The following TRHDE variants were observed in gnomAD, a reference collection of about 807,000 sequenced individuals.
TRHDE encodes the protein thyrotropin-releasing hormone-degrading ectoenzyme.
In TRHDE, 72 loss-of-function variants were observed where a neutral mutation model predicts 125.7. The observed-to-expected ratio is 0.57, with a 90% CI of 0.47 to 0.70. The LOEUF (loss-of-function observed/expected upper bound fraction) is 0.70. TRHDE is among the 30% of genes least tolerant of loss of function. TRHDE has a pLI of 0.00. For synonymous variants in TRHDE, 509 were observed against 509.1 expected (o/e 1.00, Z 0.00); for missense variants, 1,110 against 1,327.1 (o/e 0.84, Z 2.54).
chr12:72,346,236 C>T (rs1438435859), intron 2 of TRHDE, among the ~76,000 whole-genome samples: 1 of 151,928 alleles, frequency 6.6e-6, no homozygotes, highest in South Asian at 2.1e-4. Flanking sequence ...ATTCTGAGTT[C>T]TTGGGGATCC....
intron 18 of TRHDE, among the ~76,000 whole-genome samples, chr12:72,662,142 T>C (rs1375600487): frequency 1.3e-5 from 2 of 152,182 alleles, no homozygotes; most frequent in African/African-American, 4.8e-5. Context: ...ATATCTTCCA[T>C]GTGGTGCCCA....
chr12:72,575,515 T>C lies in TRHDE; in HGVS notation c.2294T>C (p.Leu765Ser). 1 of 1,613,710 alleles carries C rather than the reference T, an allele frequency of 6.2e-7. No individual in the cohort carries two copies. Among genetic ancestry groups the C allele is most frequent in the Non-Finnish European group, 8.5e-7 (1 of 1,179,742 alleles). The change falls in exon 12 of 19, where the codon TTG (leucine) becomes TCG (serine). Residue 765 changes from leucine (L) to serine (S), a missense_variant. By Grantham distance (145) the Leu-to-Ser change is moderately radical. Transcript: ENST00000261180. ...CTTTCTGTCAGTAACCGAGCGGGCT[T>C]GATCGATGATGCCTTCAGCCTAGCC... The part of the protein sequence containing the change: ...EVLSVSNRAG[L>S]IDDAFSLARA...
intron 7 of TRHDE, among the ~76,000 whole-genome samples, 175 bp downstream of exon 7, chr12:72,542,531 A>C (rs1247305890): frequency 6.6e-6 from 1 of 151,368 alleles, no homozygotes; most frequent in African/African-American, 2.4e-5. Flanking sequence ...TCACGATATC[A>C]ACTGACAAAA....
intron 3 of TRHDE, among the ~76,000 whole-genome samples, chr12:72,380,645 A>G (rs867808518): frequency 3.4e-4 from 52 of 152,104 alleles, no homozygotes; most frequent in African/African-American, 1.2e-3. Flanking sequence ...AGTAGATGAC[A>G]CGGTCAAGGA....
intron 7 of TRHDE, among the ~76,000 whole-genome samples, chr12:72,559,097 A>G (rs781103700): frequency 6.6e-6 from 1 of 152,190 alleles, no homozygotes; most frequent in African/African-American, 2.4e-5. Context: ...GGAGACAAAT[A>G]TTACGGTTTT....
chr12:72,295,142 TG>T (rs1267155985), intron 2 of TRHDE, among the ~76,000 whole-genome samples: 2 of 5,480 alleles, frequency 3.6e-4, no homozygotes, highest in African/African-American at 7.7e-4. Flanking sequence ...GGCTGGGGGA[TG>T]GGGGGTGGTT....
At chr12:72,662,925 G>T in intron 18 of TRHDE, 127 bp from the exon 19 acceptor site, 6 of 913,554 alleles carry the variant, frequency 6.6e-6, no homozygotes, top group Non-Finnish European at 9.7e-6. Context: ...ATCTTCTATA[G>T]TGGTCATGGC....
intron 2 of TRHDE, among the ~76,000 whole-genome samples, chr12:72,297,440 G>A (rs1028605622): frequency 2.0e-5 from 3 of 152,200 alleles, no homozygotes; most frequent in Admixed American, 1.3e-4. Flanking sequence ...GAAGGGAACT[G>A]AGGATAGAAT....
intron 6 of TRHDE, among the ~76,000 whole-genome samples, chr12:72,537,868 C>T (rs1868946465): frequency 1.3e-5 from 2 of 152,196 alleles, no homozygotes; most frequent in South Asian, 2.1e-4. Context: ...ATGGAGATTA[C>T]AATCTATTTT....
At chr12:72,410,647 CAAT>C (rs1404823698) in intron 3 of TRHDE, among the ~76,000 whole-genome samples, 1 of 151,904 alleles carries the variant, frequency 6.6e-6, no homozygotes, top group East Asian at 1.9e-4. Flanking sequence ...GGCAGAAAAA[CAAT>C]AAAAGTCAAC....
chr12:72,548,900 C>G (rs207473059), intron 7 of TRHDE, among the ~76,000 whole-genome samples: 1 of 151,732 alleles, frequency 6.6e-6, no homozygotes, highest in Non-Finnish European at 1.5e-5. Context: ...TTGATATAAA[C>G]TCAAAGCCTA....
chr12:72,634,592 C>T (rs1873643401), intron 15 of TRHDE, among the ~76,000 whole-genome samples: 2 of 151,992 alleles, frequency 1.3e-5, no homozygotes, highest in South Asian at 4.2e-4. Context: ...TGCTGGTACG[C>T]TGCAACCACT....
At chr12:72,545,581 CT>C (rs1396996238) in intron 7 of TRHDE, among the ~76,000 whole-genome samples, 2 of 151,420 alleles carry the variant, frequency 1.3e-5, no homozygotes, top group African/African-American at 2.4e-5. Context: ...GAGTGACTCC[CT>C]TTTTTTGAAT....
intron 2 of TRHDE, among the ~76,000 whole-genome samples, chr12:72,313,136 C>T (rs1330971381): frequency 6.6e-6 from 1 of 152,040 alleles, no homozygotes; most frequent in Non-Finnish European, 1.5e-5. Flanking sequence ...TAGTCTCAAA[C>T]AACTGGGCCA....
upstream of TRHDE, among the ~76,000 whole-genome samples, chr12:72,271,402 C>CCA (rs1325315224): frequency 2.0e-5 from 3 of 152,106 alleles, no homozygotes; most frequent in African/African-American, 7.2e-5. Context: ...GCCAAAGGCT[C>CCA]CAAGGATCTC....
chr12:72,546,885 C>T (rs1387929103), intron 7 of TRHDE, among the ~76,000 whole-genome samples: 1 of 151,720 alleles, frequency 6.6e-6, no homozygotes, highest in African/African-American at 2.4e-5. Context: ...GCCCACATGC[C>T]TGCTCTCTGC....
intron 2 of TRHDE, among the ~76,000 whole-genome samples, chr12:72,130,175 C>T (rs772084149): frequency 2.0e-5 from 3 of 152,086 alleles, no homozygotes; most frequent in Non-Finnish European, 2.9e-5. Flanking sequence ...TGGTGGGTGC[C>T]TGTAATCCCA....
intron 2 of TRHDE, among the ~76,000 whole-genome samples, chr12:72,338,224 A>G (rs17727047): frequency 0.35 from 52,779 of 152,068 alleles, 9,890 homozygotes; most frequent in Non-Finnish European, 0.43. Flanking sequence ...AATCTATTCT[A>G]CCATCCTGCC....
chr12:72,167,313 G>T (rs1296973508), intron 2 of TRHDE, among the ~76,000 whole-genome samples: 1 of 152,106 alleles, frequency 6.6e-6, no homozygotes, highest in African/African-American at 2.4e-5. Flanking sequence ...TGCCCAAACT[G>T]CAAGGAACAG....
Sources: gnomAD v4.1 joint callset for allele counts (sites outside exome capture counted in the v4.1 genomes callset) on GRCh38, gnomAD v4.1.1 for gene constraint, MANE v1.5 for transcripts, NCBI Gene and HGNC (gene_info 2026-07-23, HGNC 2026-07-21) for gene names.